CCSER1: variants seen among roughly 807,000 people sequenced by gnomAD.
CCSER1 encodes the protein coiled-coil serine rich protein 1.
In CCSER1, 41 loss-of-function variants were observed where a neutral mutation model predicts 82.0. The observed-to-expected ratio is 0.50, with a 90% CI of 0.39 to 0.65. The LOEUF is 0.65. Ranked by LOEUF, CCSER1 falls within the 30% of genes least tolerant of loss-of-function variation. The pLI is 0.00. For missense variants in CCSER1, 1,119 were observed against 1,064.2 expected (o/e 1.05, Z -0.72); for synonymous variants, 414 against 383.9 (o/e 1.08, Z -0.92).
chr4:91,195,951 C>T (rs1345188445), intron 10 of CCSER1, among the ~76,000 whole-genome samples: 1 of 151,802 alleles, frequency 6.6e-6, no homozygotes, highest in Admixed American at 6.6e-5. Flanking sequence ...ATCTCCTGAC[C>T]TCGTGATCCG....
intron 10 of CCSER1, among the ~76,000 whole-genome samples, chr4:91,301,687 A>C (rs111547837): frequency 0.015 from 2,307 of 151,926 alleles, 71 homozygotes; most frequent in African/African-American, 0.052. Flanking sequence ...TCGGGTTGCT[A>C]CTTTTTAGAG....
chr4:90,282,026 C>T (rs1489799509), intron 1 of CCSER1, among the ~76,000 whole-genome samples: 2 of 151,998 alleles, frequency 1.3e-5, no homozygotes, highest in Non-Finnish European at 2.9e-5. Flanking sequence ...CTGAGCAAAG[C>T]ATTCTGTTAT....
chr4:90,398,829 T>C (rs1373183330), intron 3 of CCSER1, among the ~76,000 whole-genome samples: 1 of 152,178 alleles, frequency 6.6e-6, no homozygotes, highest in Non-Finnish European at 1.5e-5. Context: ...GCACTATTCA[T>C]GGATCCCACG....
chr4:91,399,915 C>G (rs1752217059), intron 10 of CCSER1, among the ~76,000 whole-genome samples: 3 of 151,902 alleles, frequency 2.0e-5, no homozygotes, highest in Admixed American at 1.3e-4. Flanking sequence ...TCATCACTTT[C>G]CTATTTTTAT....
At chr4:91,188,970 A>AG (rs1464529019) in intron 10 of CCSER1, among the ~76,000 whole-genome samples, 65 of 152,040 alleles carry the variant, frequency 4.3e-4, no homozygotes, top group South Asian at 3.5e-3. Flanking sequence ...ATAGAAAAAA[A>AG]GAGTTATAAA....
intron 9 of CCSER1, among the ~76,000 whole-genome samples, chr4:90,958,495 T>G (rs1032539669): frequency 1.4e-5 from 2 of 144,468 alleles, no homozygotes; most frequent in African/African-American, 5.4e-5. Context: ...GGTAAAACAT[T>G]TTTTTTTTTT....
chr4:91,104,202 A>T lies in CCSER1; in HGVS notation c.2217+18208A>T, dbSNP rs1417945058. Among the ~76,000 whole-genome samples, 3 of 152,200 alleles carry T rather than the reference A, an allele frequency of 2.0e-5. No homozygotes were observed. In the South Asian group the frequency reaches 6.2e-4, roughly 32 times the overall value. The stretch of plus-strand genomic sequence containing the variant: ...CCAGACAATATATGCACCACTGAAC[A>T]TAGCCCTTTATCAGTAGTTCTGCTT... On this transcript the variant is annotated intron_variant, in intron 10 of 10. Coordinates refer to ENST00000509176, the MANE Select transcript of CCSER1 (RefSeq NM_001145065.2).
chr4:90,134,967 A>G (rs1489667411), intron 1 of CCSER1, among the ~76,000 whole-genome samples: 1 of 152,232 alleles, frequency 6.6e-6, no homozygotes, highest in Non-Finnish European at 1.5e-5. Flanking sequence ...CAAAACCATG[A>G]ATAAAACTAG....
intron 6 of CCSER1, among the ~76,000 whole-genome samples, chr4:90,706,454 ATT>A (rs769062715): frequency 6.6e-6 from 1 of 152,154 alleles, no homozygotes; most frequent in African/African-American, 2.4e-5. Context: ...TAAAAAGTCA[ATT>A]AATTAATTAA....
chr4:91,196,820 G>A (rs981255225), intron 10 of CCSER1, among the ~76,000 whole-genome samples: 2 of 152,150 alleles, frequency 1.3e-5, no homozygotes, highest in East Asian at 1.9e-4. Flanking sequence ...TTACTTAGCA[G>A]CATACCTAAA....
chr4:91,466,810 C>A (rs1223946082), intron 10 of CCSER1, among the ~76,000 whole-genome samples: 1 of 152,060 alleles, frequency 6.6e-6, no homozygotes, highest in Non-Finnish European at 1.5e-5. Context: ...ATGTGAAGGA[C>A]CTCTTCAAGG....
At chr4:90,251,148 C>T (rs780472634) in intron 1 of CCSER1, among the ~76,000 whole-genome samples, 11 of 151,686 alleles carry the variant, frequency 7.3e-5, no homozygotes, top group Non-Finnish European at 1.3e-4. Flanking sequence ...AAGATCATTC[C>T]CTTTGCAAAT....
intron 1 of CCSER1, among the ~76,000 whole-genome samples, chr4:90,256,841 C>T (rs1003722807): frequency 6.6e-5 from 10 of 152,008 alleles, no homozygotes; most frequent in African/African-American, 2.4e-4. Context: ...TAAAATAAGA[C>T]ATTTTGAGAG....
intron 9 of CCSER1, among the ~76,000 whole-genome samples, chr4:91,064,663 T>C (rs1744216135): frequency 6.6e-6 from 1 of 152,224 alleles, no homozygotes; most frequent in African/African-American, 2.4e-5. Context: ...TAAATCAGGC[T>C]GATACAGCTA....
intron 6 of CCSER1, among the ~76,000 whole-genome samples, chr4:90,707,133 G>A (rs1739497547): frequency 6.6e-6 from 1 of 152,098 alleles, no homozygotes; most frequent in South Asian, 2.1e-4. Flanking sequence ...ATTCTTTGAA[G>A]ATTATAGTCC....
At chr4:90,803,266 G>C (rs1461136708) in intron 7 of CCSER1, among the ~76,000 whole-genome samples, 1 of 152,076 alleles carries the variant, frequency 6.6e-6, no homozygotes, top group Non-Finnish European at 1.5e-5. Context: ...AGAACATGCA[G>C]TTTTCTTACA....
chr4:90,859,691 T>A (rs1764850995), intron 8 of CCSER1, among the ~76,000 whole-genome samples: 1 of 151,802 alleles, frequency 6.6e-6, no homozygotes, highest in South Asian at 2.1e-4. Context: ...AAGTATTACT[T>A]AATACAAAAT....
rs567204473 is a variant in CCSER1, at chr4:91,480,378, A to G, written c.2218-118194A>G. Among the ~76,000 whole-genome samples the G allele has an allele frequency of 2.6e-5, 4 of 152,256 alleles. No individual in the cohort carries two copies. In the East Asian group the frequency reaches 7.7e-4, roughly 29 times the overall value. On this transcript the variant is annotated intron_variant, in intron 10 of 10. Transcript: ENST00000509176. ...CCACCAACAGTGTAAAAGTGTTCCT[A>G]TTTCTCCACATCCTCTCCAGCACCT...
chr4:91,213,177 A>T (rs1054064751), intron 10 of CCSER1, among the ~76,000 whole-genome samples: 2 of 152,072 alleles, frequency 1.3e-5, no homozygotes, highest in African/African-American at 4.8e-5. Context: ...CTTTGAATGG[A>T]ACTGGAGATC....
Sources: allele counts gnomAD v4.1 joint callset (sites outside exome capture counted in the v4.1 genomes callset), GRCh38; gene constraint gnomAD v4.1.1; transcripts MANE v1.5; gene names NCBI Gene and HGNC (gene_info 2026-07-23, HGNC 2026-07-21).